PBLD: variants seen among roughly 807,000 people sequenced by gnomAD.
PBLD encodes the protein phenazine biosynthesis-like domain-containing protein.
Under a neutral mutation model 31.3 loss-of-function variants are expected in PBLD, and 26 were observed. That is an observed-to-expected ratio of 0.83 (90% CI 0.61 to 1.15). PBLD has a LOEUF of 1.15. Among genes scored for constraint, PBLD ranks in the 50% most tolerant of loss-of-function variants. PBLD has a pLI of 0.00. For synonymous variants in PBLD, 114 were observed against 129.0 expected (o/e 0.88, Z 0.79); for missense variants, 307 against 351.7 (o/e 0.87, Z 1.02).
chr10:68,298,469 T>A (rs10047387), intron 2 of PBLD, among the ~76,000 whole-genome samples: 119,530 of 151,960 alleles, frequency 0.79, 47,629 homozygotes, highest in Non-Finnish European at 0.86. Context: ...TCTAAAAAAA[T>A]TTTTTTTTAC....
rs1320870351 is a variant in PBLD at position 68,332,770 on chromosome 10, C to T, written c.-60+14G>A. On this transcript the variant is annotated intron_variant, in intron 1 of 9. Transcript: ENST00000358769. ...ACCGCGGCCTCCCTTCCTCCGCAGT[C>T]TCGGCAGGGCTACCTGGGCTGACGG... 2 of 152,306 alleles carry T rather than the reference C, an allele frequency of 1.3e-5. No homozygotes were observed. Among genetic ancestry groups the T allele is most frequent in the Non-Finnish European group, 2.9e-5 (2 of 68,094 alleles). The allele number at this position is 152,306 out of a possible 1,614,324, so 9.4% of individuals were successfully genotyped here.
intron 2 of PBLD, among the ~76,000 whole-genome samples, chr10:68,299,710 G>T (rs2044479974): frequency 6.6e-6 from 1 of 151,904 alleles, no homozygotes; most frequent in East Asian, 2.0e-4. Context: ...ACAAAAATTA[G>T]CCAGGAGTGG....
At chr10:68,311,601 A>C (rs377128767) in intron 1 of PBLD, among the ~76,000 whole-genome samples, 7 of 151,418 alleles carry the variant, frequency 4.6e-5, no homozygotes, top group African/African-American at 1.7e-4. Context: ...AAAAAGAAAA[A>C]ATTAGCTGGG....
At chr10:68,321,994 G>A (rs965073322) in intron 1 of PBLD, among the ~76,000 whole-genome samples, 2 of 152,146 alleles carry the variant, frequency 1.3e-5, no homozygotes, top group African/African-American at 4.8e-5. Flanking sequence ...CTGAGTATGG[G>A]CTGCTCTCAG....
chr10:68,322,273 T>C (rs1080639), intron 1 of PBLD, among the ~76,000 whole-genome samples: 19,671 of 151,996 alleles, frequency 0.13, 1,695 homozygotes, highest in African/African-American at 0.24. Flanking sequence ...TGATGACTAA[T>C]GTAATGTGGT....
chr10:68,309,596 T>C (rs1309400824), intron 1 of PBLD, among the ~76,000 whole-genome samples: 3 of 149,046 alleles, frequency 2.0e-5, no homozygotes, highest in Non-Finnish European at 4.4e-5. Flanking sequence ...GATCACGAGG[T>C]CAGGAGATCG....
chr10:68,327,348 A>G (rs2044938605), intron 1 of PBLD, among the ~76,000 whole-genome samples: 1 of 152,032 alleles, frequency 6.6e-6, no homozygotes, highest in African/African-American at 2.4e-5. Flanking sequence ...GTATATGAAT[A>G]ATGAGATCTA....
At chr10:68,318,481 T>C (rs763868320) in intron 1 of PBLD, among the ~76,000 whole-genome samples, 23 of 144,898 alleles carry the variant, frequency 1.6e-4, no homozygotes, top group Non-Finnish European at 3.0e-4. Context: ...GATATGATCA[T>C]GCCACTGCAC....
chr10:68,307,392 T>G (rs2044596027), intron 1 of PBLD, among the ~76,000 whole-genome samples: 1 of 152,168 alleles, frequency 6.6e-6, no homozygotes, highest in Non-Finnish European at 1.5e-5. Context: ...CTAAATTGAT[T>G]TTTTCCATAT....
At chr10:68,322,079 T>C (rs2044843204) in intron 1 of PBLD, among the ~76,000 whole-genome samples, 1 of 152,142 alleles carries the variant, frequency 6.6e-6, no homozygotes, top group South Asian at 2.1e-4. Context: ...TAGCAAACAC[T>C]ACCTCAGCCA....
intron 1 of PBLD, among the ~76,000 whole-genome samples, chr10:68,307,329 C>A (rs1056601091): frequency 6.6e-6 from 1 of 152,032 alleles, no homozygotes; most frequent in Non-Finnish European, 1.5e-5. Context: ...TGTGCCTGGC[C>A]AATCCCCTAA....
intron 1 of PBLD, among the ~76,000 whole-genome samples, chr10:68,324,604 C>CTTTATTTATTTATTTA (rs201038659): frequency 1.5e-4 from 22 of 148,646 alleles, no homozygotes; most frequent in African/African-American, 5.2e-4. Flanking sequence ...ACCCTCCACA[C>CTTTATTTATTTATTTA]TTTATTTATT....
At chr10:68,321,205 C>A (rs1388810282) in intron 1 of PBLD, among the ~76,000 whole-genome samples, 1 of 151,260 alleles carries the variant, frequency 6.6e-6, no homozygotes, top group Non-Finnish European at 1.5e-5. Context: ...TATTTTTGAT[C>A]AATGGTTGAT....
chr10:68,327,306 C>T (rs1168551200), intron 1 of PBLD, among the ~76,000 whole-genome samples: 5 of 151,958 alleles, frequency 3.3e-5, no homozygotes, highest in African/African-American at 4.8e-5. Context: ...CCAGTGTGAC[C>T]ATCGTTATTT....
chr10:68,289,751 C>A (rs2134428998), intron 6 of PBLD, among the ~76,000 whole-genome samples: 1 of 151,686 alleles, frequency 6.6e-6, no homozygotes, highest in Non-Finnish European at 1.5e-5. Flanking sequence ...TACTGTCCAT[C>A]ATCTTTAGAG....
At chr10:68,290,925 T>C (rs887354909) in intron 6 of PBLD, among the ~76,000 whole-genome samples, 5 of 152,212 alleles carry the variant, frequency 3.3e-5, no homozygotes, top group African/African-American at 1.2e-4. Context: ...AGTTTGTTTT[T>C]AAATTTGGCT....
intron 6 of PBLD, among the ~76,000 whole-genome samples, chr10:68,289,696 T>C (rs1271406801): frequency 1.7e-4 from 3 of 18,002 alleles, no homozygotes; most frequent in East Asian, 6.3e-3. Context: ...CACACACATA[T>C]CTTGACCCAG....
At chr10:68,324,195 C>T (rs1361854521) in intron 1 of PBLD, among the ~76,000 whole-genome samples, 2 of 151,670 alleles carry the variant, frequency 1.3e-5, no homozygotes, top group East Asian at 1.9e-4. Context: ...CACAGGTGTG[C>T]GCCACCATGC....
intron 1 of PBLD, among the ~76,000 whole-genome samples, chr10:68,318,934 G>GAAGAAGAAAGAAAGAGGA (rs1233335937): frequency 6.7e-6 from 1 of 150,242 alleles, no homozygotes; most frequent in African/African-American, 2.5e-5. Flanking sequence ...TTGTCTCAAA[G>GAAGAAGAAAGAAAGAGGA]AAGAAGAAAG....
Sources: gnomAD v4.1 joint callset for allele counts (sites outside exome capture counted in the v4.1 genomes callset) on GRCh38, gnomAD v4.1.1 for gene constraint, MANE v1.5 for transcripts, NCBI Gene and HGNC (gene_info 2026-07-23, HGNC 2026-07-21) for gene names.